The following NCSTN variants were observed in gnomAD, a reference collection of about 807,000 sequenced individuals.
The protein encoded by NCSTN is anterior pharynx-defective 2.
Under a neutral mutation model 87.0 loss-of-function variants are expected in NCSTN, and 22 were observed. The ratio of observed to expected loss-of-function variants is 0.25; its 90% CI spans 0.18 to 0.36. The LOEUF (loss-of-function observed/expected upper bound fraction) is 0.36, where lower values mean the gene tolerates loss of function less well. Ranked by LOEUF, NCSTN falls within the 10% of genes least tolerant of loss-of-function variation. The pLI is 1.00. For missense variants in NCSTN, 693 were observed against 883.3 expected (o/e 0.78, Z 2.73); for synonymous variants, 306 against 327.1 (o/e 0.94, Z 0.69).
At chr1:160,344,549 T>TG in intron 1 of NCSTN, 173 bp from the exon 2 acceptor site, 1 of 1,550,534 alleles carries the variant, frequency 6.4e-7, no homozygotes, top group Non-Finnish European at 8.7e-7. Flanking sequence ...ATGTAGAACA[T>TG]GTATCTGTTA....
At chr1:160,344,131 C>G (rs1648300141) in intron 1 of NCSTN, among the ~76,000 whole-genome samples, 1 of 151,996 alleles carries the variant, frequency 6.6e-6, no homozygotes, top group South Asian at 2.1e-4. Context: ...TGGTCAAGCC[C>G]TAAAATGCAA....
At chr1:160,347,444 C>T (rs1272334128) in intron 2 of NCSTN, among the ~76,000 whole-genome samples, 9 of 152,100 alleles carry the variant, frequency 5.9e-5, no homozygotes, top group South Asian at 2.1e-4. Context: ...TCGTCTGTCC[C>T]CACAGTATGA....
rs200524221 is a variant in NCSTN at position 160,358,385 on chromosome 1, G to A, written c.*114G>A. On this transcript the variant is annotated 3_prime_UTR_variant, in exon 17 of 17. Transcript: ENST00000294785. ...ACCTCCCTGGGCCTGTCTCAGATTG[G>A]GATTAACATAAAAGAGTGGAACTAT... 1 of 1,401,218 alleles carries A rather than the reference G, an allele frequency of 7.1e-7. No individual in the cohort carries two copies. Among genetic ancestry groups the A allele is most frequent in the Non-Finnish European group, 1.0e-6 (1 of 1,000,862 alleles). The allele number at this position is 1,401,218 out of a possible 1,614,324, so 86.8% of individuals were successfully genotyped here.
chr1:160,346,795 C>T (rs961942758), intron 2 of NCSTN, among the ~76,000 whole-genome samples: 2 of 152,092 alleles, frequency 1.3e-5, no homozygotes, highest in East Asian at 1.9e-4. Context: ...TTAGTAGAGG[C>T]GGGGCTTCAC....
chr1:160,357,792 C>T (rs1285052037), intron 16 of NCSTN, among the ~76,000 whole-genome samples: 2 of 152,184 alleles, frequency 1.3e-5, no homozygotes, highest in East Asian at 1.9e-4. Flanking sequence ...AGCTTCAACT[C>T]CCGGCTGGCA....
chr1:160,348,931 G>C (rs574368728), intron 2 of NCSTN, 68 bp from the exon 3 acceptor site: 1 of 1,606,268 alleles, frequency 6.2e-7, no homozygotes, highest in African/African-American at 1.3e-5. Context: ...AAGATACGCA[G>C]AATCAGTGAG....
chr1:160,348,374 C>G (rs1648631628), intron 2 of NCSTN, among the ~76,000 whole-genome samples: 1 of 152,174 alleles, frequency 6.6e-6, no homozygotes, highest in Non-Finnish European at 1.5e-5. Context: ...AAGTAGGCTC[C>G]TGGCTGGAGG....
At chr1:160,347,300 GA>G (rs1195437921) in intron 2 of NCSTN, among the ~76,000 whole-genome samples, 1 of 152,090 alleles carries the variant, frequency 6.6e-6, no homozygotes. Context: ...TAAAACTAAG[GA>G]GAAAAAAGTG....
chr1:160,356,373 C>T (rs1649129395), intron 14 of NCSTN, 26 bp downstream of exon 14: 1 of 1,556,242 alleles, frequency 6.4e-7, no homozygotes, highest in Non-Finnish European at 8.9e-7. Context: ...GGGAATGGGA[C>T]CCTTAGCTGA....
intron 6 of NCSTN, 111 bp downstream of exon 6, chr1:160,351,483 G>C (rs1419847713): frequency 2.9e-6 from 4 of 1,401,130 alleles, no homozygotes; most frequent in Non-Finnish European, 3.0e-6. Context: ...ACACCATGAA[G>C]GAGCTCTGCA....
rs753319981 is a variant in NCSTN at position 160,358,197 on chromosome 1, G to A, written c.2056G>A (p.Val686Ile). Residue 686 changes from valine to isoleucine, a missense_variant, in exon 17 of 17, where the codon GTC becomes ATC. Coordinates refer to ENST00000294785, the MANE Select transcript of NCSTN (RefSeq NM_015331.3). ...CGGCATCCTCATCTTCTCCCTCATC[G>A]TCACCTACTGCATCAATGCCAAAGC... ...GFGILIFSLI[V>I]TYCINAKADV... 1.5e-5 allele frequency: 24 copies of A among 1,613,872 alleles called. No individual in the cohort carries two copies. In the East Asian group the frequency reaches 2.0e-4, roughly 13 times the overall value.
Position 160,356,265 on chromosome 1 carries a change from C to A in NCSTN, c.1557C>A (p.Thr519=). 6.2e-7 allele frequency: 1 copy of A among 1,611,550 alleles called. No homozygotes were observed. The stretch of plus-strand genomic sequence containing the variant: ...CTTTACTGTTCCAATCCTAGGTTAC[C>A]CGCCTGCTCTATGGGTTCCTGATTA... The part of the protein sequence containing the change: ...DTVQADPQTV[T]RLLYGFLIKA... The change falls in exon 14 of 17, where the codon ACC becomes ACA. Residue 519 remains threonine (T), a synonymous_variant. Transcript: ENST00000294785.
rs12045198 is a variant in NCSTN at position 160,349,031 on chromosome 1, G to A, written c.223G>A (p.Val75Ile). ...TAGTGGAGACACAGGGGTTATCCAC[G>A]TAGTAGAGAAAGAGGAGGACCTACA... ...SISGDTGVIH[V>I]VEKEEDLQWV... is the part of the protein sequence containing the mutation. Residue 75 changes from valine to isoleucine, a missense_variant, in exon 3 of 17, where the codon GTA (valine) becomes ATA (isoleucine). Around this residue, in one of 4 missense-constraint regions of NCSTN, gnomAD observed 235 missense variants for 233.9 expected, o/e 1.00. Transcript: ENST00000294785. The A allele has an allele frequency of 9.4e-5, 152 of 1,614,182 alleles. 1 individual carries two copies. Among genetic ancestry groups the A allele is most frequent in the East Asian group, 3.8e-4 (17 of 44,892 alleles).
At chr1:160,346,465 G>A (rs1053371800) in intron 2 of NCSTN, among the ~76,000 whole-genome samples, 3 of 152,168 alleles carry the variant, frequency 2.0e-5, no homozygotes, top group African/African-American at 4.8e-5. Flanking sequence ...GGACTTGTTC[G>A]TGGAAGCAGT....
In NCSTN at chr1:160,356,662, C is replaced by A. The variant is rs756413909; in HGVS notation, c.1702C>A (p.Gln568Lys). 3.1e-6 allele frequency: 5 copies of A among 1,614,086 alleles called. No individual in the cohort carries two copies. The highest frequency in any genetic ancestry group is 4.2e-6 in the Non-Finnish European group (5 of 1,180,046). Residue 568 changes from glutamine (Q) to lysine (K), a missense_variant, in exon 15 of 17, where the codon CAG becomes AAG. Gln to Lys is a moderately conservative substitution (Grantham distance 53). This residue lies in a region of NCSTN where 216 missense variants were observed against 311.7 expected (regional missense o/e 0.69). Transcript: ENST00000294785. The part of the protein sequence containing the change: ...SSPTNTTYVV[Q>K]YALANLTGTV... ...CCCCACCAACACCACTTATGTTGTA[C>A]AGTATGCCTTGGCAAATTTGACTGG...
In NCSTN at chr1:160,357,025, C is replaced by T. The variant is rs567806074; in HGVS notation, c.1795-16C>T. On this transcript the variant is annotated splice_polypyrimidine_tract_variant and intron_variant, in intron 15 of 16. Coordinates refer to ENST00000294785, the MANE Select transcript of NCSTN (RefSeq NM_015331.3). ...GGATCACCCTAGCCGTGTGTTGTGG[C>T]GCATCTTCTGTGCAGCTGTATGAGT... 19 of 1,604,568 alleles carry T rather than the reference C, an allele frequency of 1.2e-5. No individual in the cohort carries two copies. Among genetic ancestry groups the T allele is most frequent in the Middle Eastern group, 1.8e-4 (1 of 5,698 alleles).
In NCSTN at chr1:160,357,078, CTAA is replaced by C. The variant is rs1649168156; in HGVS notation, c.1834_1836del (p.Asn612del). 6.2e-7 allele frequency: 1 copy of C among 1,613,944 alleles called. No homozygotes were observed. The highest frequency in any genetic ancestry group is 1.1e-5 in the South Asian group (1 of 91,064). On this transcript the variant is annotated inframe_deletion, in exon 16 of 17. Coordinates refer to ENST00000294785, the MANE Select transcript of NCSTN (RefSeq NM_015331.3). ...TCATGGGTCCAGGGCCCTTTGCATTCTAATGAGACGGACCGACTCCCCCGGTGT... is the reference window on the plus strand; with the variant it reads ...TCATGGGTCCAGGGCCCTTTGCATTCTGAGACGGACCGACTCCCCCGGTGT...
intron 4 of NCSTN, 67 bp downstream of exon 4, chr1:160,349,737 T>C (rs1648733830): frequency 1.3e-6 from 2 of 1,584,192 alleles, no homozygotes; most frequent in East Asian, 2.2e-5. Context: ...CGGTCTTACG[T>C]CTTTGTGAGG....
chr1:160,350,317 T>C (rs1648765903), intron 5 of NCSTN, 67 bp downstream of exon 5: 1 of 1,588,596 alleles, frequency 6.3e-7, no homozygotes, highest in Admixed American at 1.7e-5. Context: ...CCAGGTGTGG[T>C]GGTGTGTGCA....
Sources: gnomAD v4.1 joint callset for allele counts (sites outside exome capture counted in the v4.1 genomes callset) on GRCh38, gnomAD v4.1.1 for gene constraint, gnomAD v4.1.1 regional missense constraint, MANE v1.5 for transcripts, NCBI Gene and HGNC (gene_info 2026-07-23, HGNC 2026-07-21) for gene names.